The following SDC2 variants were observed in gnomAD, a reference collection of about 807,000 sequenced individuals.
The protein encoded by SDC2 is syndecan-2.
In SDC2, 13 loss-of-function variants were observed where a neutral mutation model predicts 22.2. The observed-to-expected ratio is 0.59, with a 90% confidence interval of 0.38 to 0.93. The LOEUF (loss-of-function observed/expected upper bound fraction) is 0.93, where lower values mean the gene tolerates loss of function less well. SDC2 is among the 40% of genes least tolerant of loss of function. SDC2 has a pLI of 0.00. For missense variants in SDC2, 235 were observed against 246.8 expected (o/e 0.95, Z 0.32); for synonymous variants, 94 against 92.8 (o/e 1.01, Z -0.07).
chr8:96,550,220 TTCCAAAAA>T (rs914919877), intron 1 of SDC2, among the ~76,000 whole-genome samples: 17 of 152,154 alleles, frequency 1.1e-4, no homozygotes, highest in African/African-American at 4.1e-4. Flanking sequence ...CAGGTTGGGG[TTCCAAAAA>T]TCCAAAAATC....
intron 1 of SDC2, among the ~76,000 whole-genome samples, chr8:96,536,657 A>C (rs896495062): frequency 3.3e-5 from 5 of 152,188 alleles, no homozygotes; most frequent in African/African-American, 1.2e-4. Flanking sequence ...TTGAGTGCCT[A>C]GCATGGTGTT....
At chr8:96,606,703 G>T (rs779699155) in intron 3 of SDC2, among the ~76,000 whole-genome samples, 1 of 152,116 alleles carries the variant, frequency 6.6e-6, no homozygotes, top group Non-Finnish European at 1.5e-5. Flanking sequence ...GTGGATCAGC[G>T]TAACCTTGGG....
At chr8:96,567,564 C>T (rs751389226) in intron 1 of SDC2, among the ~76,000 whole-genome samples, 4 of 152,140 alleles carry the variant, frequency 2.6e-5, no homozygotes, top group African/African-American at 4.8e-5. Flanking sequence ...TTTGCACACC[C>T]GTAGCTTAGC....
In SDC2 at chr8:96,610,156, T is replaced by C. The variant is rs1376563076; in HGVS notation, c.*608T>C. On this transcript the variant is annotated 3_prime_UTR_variant, in exon 5 of 5. Coordinates refer to ENST00000302190, the MANE Select transcript of SDC2 (RefSeq NM_002998.4). ...CACTTGCTTTATTTTTCATTACCTG[T>C]AGCTTTGGGCAGATTTGCAACAGCA... 6.6e-6 allele frequency: 1 copy of C among 152,668 alleles called. No individual in the cohort carries two copies. The highest frequency in any genetic ancestry group is 2.4e-5 in the African/African-American group (1 of 41,458). The allele number at this position is 152,668 out of a possible 1,614,324, so 9.5% of individuals were successfully genotyped here. A position where few individuals can be genotyped will look rare whatever the true frequency, so the allele number is the denominator to read the frequency against.
intron 1 of SDC2, among the ~76,000 whole-genome samples, chr8:96,589,302 A>G (rs913716820): frequency 6.6e-6 from 1 of 152,180 alleles, no homozygotes; most frequent in Non-Finnish European, 1.5e-5. Flanking sequence ...GGGTTTGGGT[A>G]GAGGAAGCAG....
chr8:96,526,364 A>G (rs911897591), intron 1 of SDC2, among the ~76,000 whole-genome samples: 1 of 121,786 alleles, frequency 8.2e-6, no homozygotes, highest in Non-Finnish European at 1.7e-5. Flanking sequence ...TGCAAAAACC[A>G]CCCAGTTGTT....
At chr8:96,561,835 TAAGA>T (rs1489220794) in intron 1 of SDC2, among the ~76,000 whole-genome samples, 1 of 152,196 alleles carries the variant, frequency 6.6e-6, no homozygotes, top group Non-Finnish European at 1.5e-5. Flanking sequence ...TCCTATCAGG[TAAGA>T]GGGCAGACCA....
chr8:96,516,791 G>A (rs1359796054), intron 1 of SDC2, among the ~76,000 whole-genome samples: 1 of 152,134 alleles, frequency 6.6e-6, no homozygotes, highest in African/African-American at 2.4e-5. Context: ...TATTTATTGT[G>A]CATTGCATAT....
At chr8:96,563,150 T>G (rs540966918) in intron 1 of SDC2, among the ~76,000 whole-genome samples, 68 of 152,282 alleles carry the variant, frequency 4.5e-4, no homozygotes, top group African/African-American at 1.6e-3. Flanking sequence ...AAGGTTCCAA[T>G]TTTGAAACCT....
intron 1 of SDC2, among the ~76,000 whole-genome samples, chr8:96,513,624 G>A (rs921718379): frequency 1.6e-4 from 25 of 152,114 alleles, no homozygotes; most frequent in Non-Finnish European, 1.0e-4. Flanking sequence ...TTTTAAAAAC[G>A]ACAAAAACAT....
chr8:96,582,423 T>A (rs1265148052), intron 1 of SDC2, among the ~76,000 whole-genome samples: 1 of 152,232 alleles, frequency 6.6e-6, no homozygotes, highest in Non-Finnish European at 1.5e-5. Context: ...ACTTCAGCTT[T>A]GAAATTGGTG....
chr8:96,529,063 G>A (rs1408200364), intron 1 of SDC2: 1 of 152,206 alleles, frequency 6.6e-6, no homozygotes, highest in Non-Finnish European at 1.5e-5. Flanking sequence ...GCTGGACAGA[G>A]CTGGGGTGGA....
chr8:96,580,726 G>A (rs1814575478), intron 1 of SDC2, among the ~76,000 whole-genome samples: 1 of 152,194 alleles, frequency 6.6e-6, no homozygotes, highest in South Asian at 2.1e-4. Flanking sequence ...AAATTCAAAT[G>A]TAACAGGTAG....
At chr8:96,601,075 G>A (rs1173005637) in intron 2 of SDC2, among the ~76,000 whole-genome samples, 4 of 152,138 alleles carry the variant, frequency 2.6e-5, no homozygotes, top group Admixed American at 2.0e-4. Flanking sequence ...AGGTGAGGGG[G>A]AAGCCAGGAA....
intron 1 of SDC2, among the ~76,000 whole-genome samples, chr8:96,499,352 G>A (rs1453138212): frequency 6.6e-6 from 1 of 152,188 alleles, no homozygotes; most frequent in Non-Finnish European, 1.5e-5. Context: ...AAACCTGAAT[G>A]GGGGTGGGAG....
intron 1 of SDC2, among the ~76,000 whole-genome samples, chr8:96,539,722 A>G (rs1813814401): frequency 6.6e-6 from 1 of 152,230 alleles, no homozygotes; most frequent in African/African-American, 2.4e-5. Context: ...TCACTTAACA[A>G]GGCAGTCTAC....
At chr8:96,605,756 C>T (rs775296933) in intron 3 of SDC2, among the ~76,000 whole-genome samples, 5 of 152,158 alleles carry the variant, frequency 3.3e-5, no homozygotes, top group African/African-American at 9.7e-5. Flanking sequence ...AGAAGTGTAG[C>T]GTTCTGCTCA....
intron 1 of SDC2, among the ~76,000 whole-genome samples, chr8:96,513,619 A>G (rs536133335): frequency 6.6e-6 from 1 of 152,344 alleles, no homozygotes; most frequent in Admixed American, 6.5e-5. Flanking sequence ...GGAAATTTTA[A>G]AAACGACAAA....
intron 1 of SDC2, among the ~76,000 whole-genome samples, chr8:96,540,985 C>G (rs980680904): frequency 2.6e-5 from 4 of 152,138 alleles, no homozygotes; most frequent in African/African-American, 9.7e-5. Flanking sequence ...ATATTCCAGT[C>G]TAAGAGATTT....
Sources: gnomAD v4.1 joint callset for allele counts (sites outside exome capture counted in the v4.1 genomes callset) on GRCh38, gnomAD v4.1.1 for gene constraint, MANE v1.5 for transcripts, NCBI Gene and HGNC (gene_info 2026-07-23, HGNC 2026-07-21) for gene names.